UROC1: variants seen among roughly 807,000 people sequenced by gnomAD.
The protein encoded by UROC1 is urocanate hydratase.
In UROC1, 79 loss-of-function variants were observed where a neutral mutation model predicts 89.5. That is an observed-to-expected ratio of 0.88 (90% CI 0.74 to 1.06). The LOEUF is 1.06. Among genes scored for constraint, UROC1 ranks in the 50% least tolerant of loss-of-function variants. The probability of loss-of-function intolerance (pLI) is 0.00; values close to 1 mark genes in which losing one functional copy is unlikely to be tolerated. For synonymous variants in UROC1, 361 were observed against 354.8 expected (o/e 1.02, Z -0.20); for missense variants, 885 against 907.8 (o/e 0.97, Z 0.32).
At chr3:126,490,066 T>G (rs991005919) in intron 16 of UROC1, among the ~76,000 whole-genome samples, 2 of 152,176 alleles carry the variant, frequency 1.3e-5, no homozygotes, top group South Asian at 2.1e-4. Context: ...CCATGAGACC[T>G]TGGGCAGGTC....
intron 12 of UROC1, 112 bp downstream of exon 12, chr3:126,499,945 T>C (rs6774768): frequency 0.54 from 567,698 of 1,055,680 alleles, 154,233 homozygotes; most frequent in South Asian, 0.59. Context: ...GGTCAGGATT[T>C]GCTGGGCCAC....
At chr3:126,517,249 G>A (rs1375167659) in intron 1 of UROC1, among the ~76,000 whole-genome samples, 3 of 152,184 alleles carry the variant, frequency 2.0e-5, no homozygotes, top group African/African-American at 7.2e-5. Context: ...GTGTGCAAAC[G>A]TTCTGAGTGT....
At chr3:126,482,849 G>A (rs115378266) in intron 19 of UROC1, among the ~76,000 whole-genome samples, 10,788 of 151,922 alleles carry the variant, frequency 0.071, 515 homozygotes, top group Non-Finnish European at 0.1. Context: ...CCTGGATGAT[G>A]CCACGCCTCC....
At chr3:126,485,427 C>A (rs1447282287) in intron 18 of UROC1, among the ~76,000 whole-genome samples, 1 of 135,172 alleles carries the variant, frequency 7.4e-6, no homozygotes, top group Non-Finnish European at 1.6e-5. Context: ...GGGCAGAAGG[C>A]GTGTGGGTGG....
chr3:126,496,239 C>A, intron 14 of UROC1, 131 bp from the exon 15 acceptor site: 1 of 766,060 alleles, frequency 1.3e-6, no homozygotes, highest in Non-Finnish European at 2.2e-6. Context: ...TGAGGGAGCC[C>A]ACCCCACCCC....
At chr3:126,485,449 C>A (rs1560114631) in intron 18 of UROC1, among the ~76,000 whole-genome samples, 1 of 152,068 alleles carries the variant, frequency 6.6e-6, no homozygotes, top group Non-Finnish European at 1.5e-5. Context: ...TGGGGGAGGG[C>A]TGTGTGCACA....
At chr3:126,513,987 G>A (rs868624318) in intron 1 of UROC1, among the ~76,000 whole-genome samples, 3 of 151,556 alleles carry the variant, frequency 2.0e-5, no homozygotes, top group Admixed American at 6.6e-5. Flanking sequence ...AGACAGCTCC[G>A]TCTCCACATC....
intron 16 of UROC1, 105 bp downstream of exon 16, chr3:126,492,313 A>C: frequency 1.8e-6 from 2 of 1,123,254 alleles, no homozygotes; most frequent in Non-Finnish European, 2.6e-6. Flanking sequence ...CTCCCCACCC[A>C]GAAGGCTGTG....
At chr3:126,513,747 C>T (rs1560129178) in intron 1 of UROC1, among the ~76,000 whole-genome samples, 1 of 152,296 alleles carries the variant, frequency 6.6e-6, no homozygotes, top group East Asian at 1.9e-4. Flanking sequence ...GGGCCTCTGC[C>T]CACCCCACCC....
intron 16 of UROC1, among the ~76,000 whole-genome samples, chr3:126,490,946 T>C (rs750021498): frequency 6.6e-6 from 1 of 152,184 alleles, no homozygotes; most frequent in Non-Finnish European, 1.5e-5. Context: ...GTAGCGCTGG[T>C]TGATGGGCGT....
At chr3:126,505,917 C>T in intron 7 of UROC1, 28 bp downstream of exon 7, 1 of 1,612,910 alleles carries the variant, frequency 6.2e-7, no homozygotes, top group Non-Finnish European at 8.5e-7. Flanking sequence ...CTGGGAAGCC[C>T]ACAGCCAGGC....
In UROC1 at chr3:126,501,390, G is replaced by T. The variant is rs1390703828; in HGVS notation, c.903-110C>A. On this transcript the variant is annotated intron_variant, in intron 9 of 19. Transcript: ENST00000290868. The stretch of plus-strand genomic sequence containing the variant: ...GGGCAGACCCAGGAGGCCACCAGAG[G>T]TGTTGTGTGCAAACGTGGGGGCCAT... The T allele has an allele frequency of 1.1e-5, 15 of 1,356,516 alleles. No homozygotes were observed. In the Admixed American group the frequency reaches 2.2e-4, roughly 20 times the overall value. The allele number at this position is 1,356,516 out of a possible 1,614,324, so 84.0% of individuals were successfully genotyped here.
intron 15 of UROC1, among the ~76,000 whole-genome samples, chr3:126,494,768 T>C (rs562464755): frequency 1.3e-5 from 2 of 152,324 alleles, no homozygotes; most frequent in African/African-American, 4.8e-5. Flanking sequence ...TCTCAGCATG[T>C]AGACCTGGAT....
intron 1 of UROC1, among the ~76,000 whole-genome samples, chr3:126,515,971 C>G (rs1936308900): frequency 3.0e-5 from 1 of 33,790 alleles, no homozygotes; most frequent in African/African-American, 1.6e-4. Context: ...TGACACCTAC[C>G]CTCTCCGCCC....
chr3:126,490,027 C>T (rs1331242472), intron 16 of UROC1, among the ~76,000 whole-genome samples: 1 of 152,088 alleles, frequency 6.6e-6, no homozygotes, highest in Non-Finnish European at 1.5e-5. Flanking sequence ...GTTGGAGGGC[C>T]TCACTGGGGG....
At chr3:126,501,820 C>G in intron 9 of UROC1, 2 of 1,599,458 alleles carry the variant, frequency 1.3e-6, no homozygotes, top group South Asian at 1.1e-5. Context: ...CCTGGAGAAG[C>G]CCGAGGGAGC....
At chr3:126,485,629 A>G (rs1299157012) in intron 18 of UROC1, among the ~76,000 whole-genome samples, 1 of 143,092 alleles carries the variant, frequency 7.0e-6, no homozygotes, top group African/African-American at 2.5e-5. Context: ...GTGTCTCACT[A>G]TGTTTCCCAG....
At chr3:126,483,235 C>G (rs560894332) in intron 19 of UROC1, 134 bp downstream of exon 19, 96 of 793,730 alleles carry the variant, frequency 1.2e-4, no homozygotes, top group Non-Finnish European at 1.9e-4. Context: ...TTCCTGGCTG[C>G]TGTGCTGTGG....
intron 6 of UROC1, among the ~76,000 whole-genome samples, chr3:126,506,729 T>C (rs1936068148): frequency 6.6e-6 from 1 of 152,190 alleles, no homozygotes; most frequent in African/African-American, 2.4e-5. Flanking sequence ...CTGGAGAATC[T>C]AGGACGTAAG....
Sources: gnomAD v4.1 joint callset for allele counts (sites outside exome capture counted in the v4.1 genomes callset) on GRCh38, gnomAD v4.1.1 for gene constraint, MANE v1.5 for transcripts, NCBI Gene and HGNC (gene_info 2026-07-23, HGNC 2026-07-21) for gene names.